The following KLF8 variants were observed in gnomAD, a reference collection of about 807,000 sequenced individuals.
KLF8 encodes Krueppel-like factor 8.
A neutral mutation model predicts 18.2 loss-of-function variants in KLF8; 10 were observed. The ratio of observed to expected loss-of-function variants is 0.55; its 90% CI spans 0.34 to 0.93. KLF8 has a LOEUF of 0.93. KLF8 is among the 40% of genes least tolerant of loss of function. The pLI, the probability that KLF8 is intolerant of heterozygous loss-of-function variation, is 0.02. For missense variants in KLF8, 264 were observed against 277.9 expected (o/e 0.95, Z 0.36); for synonymous variants, 109 against 97.3 (o/e 1.12, Z -0.71).
chrX:55,973,913 G>A, the KLF8 span, among the ~76,000 whole-genome samples: 1 of 111,579 alleles, frequency 9.0e-6, no homozygotes, highest in Non-Finnish European at 1.9e-5. Flanking sequence ...ATTCACAATA[G>A]CAAAGACTTG....
the KLF8 span, among the ~76,000 whole-genome samples, chrX:55,980,218 T>C: frequency 9.0e-6 from 1 of 111,695 alleles, no homozygotes; most frequent in Non-Finnish European, 1.9e-5. Flanking sequence ...GTCAGAATGA[T>C]AGGACTATGT....
At chrX:56,052,118 A>T in the KLF8 span, among the ~76,000 whole-genome samples, 21 of 111,445 alleles carry the variant, frequency 1.9e-4, no homozygotes. Flanking sequence ...TTTCAGTTCC[A>T]TCAGCTCCTT....
intron 1 of KLF8, among the ~76,000 whole-genome samples, chrX:56,234,411 G>A (rs756439556): frequency 1.8e-5 from 2 of 111,753 alleles, no homozygotes; most frequent in Admixed American, 9.5e-5. Flanking sequence ...TCTTGTGTAT[G>A]TGGCAGAGGC....
At chrX:56,062,884 T>A in the KLF8 span, among the ~76,000 whole-genome samples, 1 of 111,033 alleles carries the variant, frequency 9.0e-6, no homozygotes, top group Non-Finnish European at 1.9e-5. Flanking sequence ...TTTTTTCTAA[T>A]CTTGTCTTCA....
At chrX:56,158,376 C>A in the KLF8 span, among the ~76,000 whole-genome samples, 1 of 111,753 alleles carries the variant, frequency 8.9e-6, no homozygotes, top group Non-Finnish European at 1.9e-5. Context: ...AACGCGAGCT[C>A]TTTTTTGGTT....
chrX:56,026,561 C>A, the KLF8 span, among the ~76,000 whole-genome samples: 1 of 111,932 alleles, frequency 8.9e-6, no homozygotes, highest in Non-Finnish European at 1.9e-5. Context: ...GACATACTTT[C>A]CCTAAACTAT....
the KLF8 span, among the ~76,000 whole-genome samples, chrX:56,181,287 C>A: frequency 5.5e-5 from 6 of 109,663 alleles, no homozygotes; most frequent in African/African-American, 2.0e-4. Context: ...GATTGCAAGC[C>A]CTGCTTTTTT....
chrX:56,184,203 G>T, the KLF8 span, among the ~76,000 whole-genome samples: 4 of 112,349 alleles, frequency 3.6e-5, no homozygotes, highest in Admixed American at 3.8e-4. Flanking sequence ...TTAAAAAATG[G>T]CGCACCAGGA....
At chrX:56,160,612 G>T in the KLF8 span, among the ~76,000 whole-genome samples, 1 of 111,419 alleles carries the variant, frequency 9.0e-6, no homozygotes, top group South Asian at 3.8e-4. Context: ...GTTAGCTGTT[G>T]TTGTTGAGTT....
chrX:56,164,363 T>C, the KLF8 span, among the ~76,000 whole-genome samples: 4 of 90,952 alleles, frequency 4.4e-5, no homozygotes, highest in East Asian at 1.3e-3. Context: ...AGAGCTACAA[T>C]ACAGGAAGTG....
chrX:56,034,799 A>C, the KLF8 span, among the ~76,000 whole-genome samples: 3 of 75,695 alleles, frequency 4.0e-5, no homozygotes, highest in African/African-American at 1.6e-4. Context: ...TCTGTGGCCC[A>C]GGCTGGAGTG....
chrX:56,182,129 G>A, the KLF8 span, among the ~76,000 whole-genome samples: 1 of 111,587 alleles, frequency 9.0e-6, no homozygotes, highest in Non-Finnish European at 1.9e-5. Flanking sequence ...TTTTCACATA[G>A]TCCTATATTT....
the KLF8 span, among the ~76,000 whole-genome samples, chrX:55,994,408 C>T: frequency 6.4e-5 from 7 of 109,305 alleles, no homozygotes; most frequent in African/African-American, 1.7e-4. Flanking sequence ...ATGGCTTTCA[C>T]GTCTAAATTT....
At chrX:55,946,631 C>T in the KLF8 span, among the ~76,000 whole-genome samples, 3 of 111,549 alleles carry the variant, frequency 2.7e-5, no homozygotes, top group Non-Finnish European at 5.6e-5. Context: ...CCAAAATTGA[C>T]GAATGGGATC....
chrX:56,002,988 G>A, the KLF8 span, among the ~76,000 whole-genome samples: 12 of 112,153 alleles, frequency 1.1e-4, no homozygotes, highest in African/African-American at 3.6e-4. Context: ...GAAAAGGTAG[G>A]AATAATTGAA....
chrX:56,209,554 A>G, the KLF8 span, among the ~76,000 whole-genome samples: 1 of 111,794 alleles, frequency 8.9e-6, no homozygotes, highest in Non-Finnish European at 1.9e-5. Context: ...GCTTGAACCC[A>G]TGAGGCAGAG....
the KLF8 span, among the ~76,000 whole-genome samples, chrX:56,151,641 G>A: frequency 2.7e-5 from 3 of 110,636 alleles, no homozygotes; most frequent in African/African-American, 9.8e-5. Flanking sequence ...GCTTGGTGGG[G>A]GTGTGGAGAT....
chrX:56,223,628 C>T, the KLF8 span, among the ~76,000 whole-genome samples: 1 of 112,724 alleles, frequency 8.9e-6, no homozygotes, highest in East Asian at 2.8e-4. Flanking sequence ...TCTGCCTTCA[C>T]AGTAAGGATT....
chrX:56,213,958 C>T, the KLF8 span, among the ~76,000 whole-genome samples: 1 of 111,309 alleles, frequency 9.0e-6, no homozygotes, highest in Non-Finnish European at 1.9e-5. Flanking sequence ...ATGGAAGTGG[C>T]TCTTGGCAGG....
Sources: allele counts gnomAD v4.1 joint callset (sites outside exome capture counted in the v4.1 genomes callset), GRCh38; gene constraint gnomAD v4.1.1; transcripts MANE v1.5; gene names NCBI Gene and HGNC (gene_info 2026-07-23, HGNC 2026-07-21).